The following WDR91 variants were observed in gnomAD, a reference collection of about 807,000 sequenced individuals.
The protein encoded by WDR91 is WD repeat domain 91.
A neutral mutation model predicts 88.4 loss-of-function variants in WDR91; 52 were observed. That is an observed-to-expected ratio of 0.59 (90% CI 0.47 to 0.74). The LOEUF (loss-of-function observed/expected upper bound fraction) is 0.74. WDR91 is among the 30% of genes least tolerant of loss of function. WDR91 has a pLI of 0.00. For missense variants in WDR91, 824 were observed against 954.5 expected (o/e 0.86, Z 1.80); for synonymous variants, 362 against 389.5 (o/e 0.93, Z 0.83).
intron 9 of WDR91, among the ~76,000 whole-genome samples, chr7:135,194,679 C>T (rs1378643803): frequency 3.3e-5 from 5 of 152,168 alleles, no homozygotes; most frequent in Admixed American, 6.5e-5. Context: ...GTCCCCAGGG[C>T]GGACCACCAC....
chr7:135,204,245 AG>A, intron 6 of WDR91, 22 bp downstream of exon 6: 6 of 1,611,522 alleles, frequency 3.7e-6, no homozygotes, highest in Non-Finnish European at 5.1e-6. Flanking sequence ...GGCCAGAGTT[AG>A]AGAGGCAGGA....
At chr7:135,193,813 T>G (rs1278076914) in intron 9 of WDR91, 141 bp from the exon 10 acceptor site, 9 of 655,910 alleles carry the variant, frequency 1.4e-5, no homozygotes, top group Non-Finnish European at 2.4e-5. Context: ...AGGGGAAATC[T>G]GGCTACAATG....
In WDR91 at chr7:135,187,270, C is replaced by T. The variant is rs928793813; in HGVS notation, c.1882-101G>A. 88 of 1,198,626 alleles carry T rather than the reference C, an allele frequency of 7.3e-5. No individual in the cohort carries two copies. In the African/African-American group the frequency reaches 9.7e-4, roughly 13 times the overall value. The allele number at this position is 1,198,626 out of a possible 1,614,324, so 74.2% of individuals were successfully genotyped here. ...ACCCCACAGCAGAGGCTGGCGAGGGCGACCCGCCTCCCCCAGCCACAGTGC... is the reference window on the plus strand; with the variant it reads ...ACCCCACAGCAGAGGCTGGCGAGGGTGACCCGCCTCCCCCAGCCACAGTGC... On this transcript the variant is annotated intron_variant, in intron 13 of 14. Coordinates refer to ENST00000354475, the MANE Select transcript of WDR91 (RefSeq NM_014149.4).
In WDR91 at chr7:135,198,124, C is replaced by T. The variant is rs141898455; in HGVS notation, c.919G>A (p.Gly307Arg). 7.4e-6 allele frequency: 12 copies of T among 1,613,494 alleles called. No homozygotes were observed. Among genetic ancestry groups the T allele is most frequent in the Middle Eastern group, 1.6e-4 (1 of 6,070 alleles). The change falls in exon 7 of 15, where the codon GGA becomes AGA. Residue 307 changes from glycine (G) to arginine (R), a missense_variant. Physicochemically the swap from Gly to Arg is moderately radical, Grantham distance 125 (BLOSUM62 -2). Transcript: ENST00000354475. ...AGGAGGCTCTTCCCATCCTTGGCTC[C>T]GGACGTCGGGTCCTTTCCCTTGGTG... is the stretch of plus-strand genomic sequence containing the variant. ...QGTKGKDPTS[G>R]AKDGKSLLSG...
chr7:135,204,496 T>C (rs868238284), intron 5 of WDR91, 63 bp from the exon 6 acceptor site: 28 of 1,570,938 alleles, frequency 1.8e-5, no homozygotes, highest in South Asian at 1.7e-4. Context: ...ACCAAGAACA[T>C]AGACCTCCCG....
At chr7:135,211,053 AC>A (rs928554656) in intron 1 of WDR91, among the ~76,000 whole-genome samples, 1 of 152,204 alleles carries the variant, frequency 6.6e-6, no homozygotes, top group Non-Finnish European at 1.5e-5. Context: ...CCAAAACGCA[AC>A]CATCTACCTA....
intron 3 of WDR91, 105 bp from the exon 4 acceptor site, chr7:135,207,307 G>C: frequency 1.1e-6 from 1 of 947,884 alleles, no homozygotes; most frequent in Non-Finnish European, 1.7e-6. Flanking sequence ...ACAGAGAACA[G>C]AGTATAGGAG....
At position 135,185,248 on chromosome 7, in the gene WDR91, CA is replaced by C; in HGVS notation, c.*902del. 1 of 152,196 alleles carries C rather than the reference CA, an allele frequency of 6.6e-6. No homozygotes were observed. The highest frequency in any genetic ancestry group is 1.5e-5 in the Non-Finnish European group (1 of 68,020). 9.4% of individuals were successfully genotyped at this position (152,196 alleles called of 1,614,324 possible). A position where few individuals can be genotyped will look rare whatever the true frequency, so the allele number is the denominator to read the frequency against. ...CACAATCAATACTTTGTTTCATGTACAAAATTATTTAAAATACTGTATAGAG... is the reference window on the plus strand; with the variant it reads ...CACAATCAATACTTTGTTTCATGTACAAATTATTTAAAATACTGTATAGAG... On this transcript the variant is annotated 3_prime_UTR_variant, in exon 15 of 15. Coordinates refer to ENST00000354475, the MANE Select transcript of WDR91 (RefSeq NM_014149.4).
Position 135,188,285 on chromosome 7 carries a change from C to T in WDR91, c.1881+148G>A, listed in dbSNP as rs749600184. ...CTAAAACCTCGCAAAGATTGTAAGA[C>T]GAATTACTAGTTTATCCCTATTCTA... On this transcript the variant is annotated intron_variant, in intron 13 of 14. Transcript: ENST00000354475. 37 of 615,060 alleles carry T rather than the reference C, an allele frequency of 6.0e-5. No individual in the cohort carries two copies. In the Admixed American group the frequency reaches 7.1e-4, roughly 12 times the overall value. The allele number at this position is 615,060 out of a possible 1,614,324, so 38.1% of individuals were successfully genotyped here. A position where few individuals can be genotyped will look rare whatever the true frequency, so the allele number is the denominator to read the frequency against.
At chr7:135,201,099 A>C (rs1050866853) in intron 6 of WDR91, among the ~76,000 whole-genome samples, 1 of 152,240 alleles carries the variant, frequency 6.6e-6, no homozygotes, top group African/African-American at 2.4e-5. Flanking sequence ...TCACAAGCAC[A>C]GAAGTTTGTG....
chr7:135,197,206 C>T (rs1831406798), intron 7 of WDR91: 2 of 152,228 alleles, frequency 1.3e-5, no homozygotes, highest in Admixed American at 1.3e-4. Context: ...GGGTGGCCCC[C>T]AAGTGCATCT....
chr7:135,211,389 C>T lies in WDR91; in HGVS notation c.114G>A (p.Lys38=). 6.2e-7 allele frequency: 1 copy of T among 1,610,636 alleles called. No homozygotes were observed. The highest frequency in any genetic ancestry group is 1.3e-5 in the African/African-American group (1 of 74,632). ...LDAEIKADKE[K]GFRVDKIVDQ... is the part of the protein sequence containing the mutation. ...CCCGCCGGCCTCTCACCCGGAACCC[C>T]TTCTCCTTGTCCGCCTTGATCTCGG... Residue 38 remains lysine, a synonymous_variant, in exon 1 of 15, where the codon AAG becomes AAA. Transcript: ENST00000354475.
chr7:135,192,320 A>G (rs1354711683), intron 11 of WDR91, among the ~76,000 whole-genome samples: 1 of 152,038 alleles, frequency 6.6e-6, no homozygotes, highest in Non-Finnish European at 1.5e-5. Flanking sequence ...GGCTCACTAC[A>G]TTGCCCAGGC....
At chr7:135,208,287 T>C (rs540558615) in intron 3 of WDR91, among the ~76,000 whole-genome samples, 1 of 152,340 alleles carries the variant, frequency 6.6e-6, no homozygotes, top group South Asian at 2.1e-4. Flanking sequence ...CCCGCATATA[T>C]ATTCTTAAAG....
intron 6 of WDR91, chr7:135,200,214 AGC>A (rs1474671100): frequency 1.3e-5 from 2 of 152,266 alleles, no homozygotes; most frequent in Non-Finnish European, 2.9e-5. Context: ...ATTTGTGTCT[AGC>A]CACAAATGTA....
At chr7:135,186,898 C>T in intron 14 of WDR91, 74 bp downstream of exon 14, 1 of 1,576,166 alleles carries the variant, frequency 6.3e-7, no homozygotes, top group South Asian at 1.1e-5. Context: ...GCTCAGTAGC[C>T]ATGGCCCAGA....
chr7:135,188,686 G>A, intron 12 of WDR91, 141 bp from the exon 13 acceptor site: 1 of 681,560 alleles, frequency 1.5e-6, no homozygotes, highest in Non-Finnish European at 2.5e-6. Flanking sequence ...GACCCAATGA[G>A]CGCCATAAAG....
intron 5 of WDR91, among the ~76,000 whole-genome samples, chr7:135,205,203 C>T (rs192045160): frequency 2.0e-5 from 3 of 152,196 alleles, no homozygotes; most frequent in African/African-American, 4.8e-5. Context: ...CTCTTTAAAC[C>T]GTCAGAGAGG....
intron 6 of WDR91, among the ~76,000 whole-genome samples, chr7:135,203,839 G>T (rs1300966929): frequency 2.0e-5 from 3 of 152,202 alleles, no homozygotes; most frequent in Non-Finnish European, 4.4e-5. Flanking sequence ...CAGAGAACTG[G>T]CACAGGAGTG....
Sources: gnomAD v4.1 joint callset for allele counts (sites outside exome capture counted in the v4.1 genomes callset) on GRCh38, gnomAD v4.1.1 for gene constraint, MANE v1.5 for transcripts, NCBI Gene and HGNC (gene_info 2026-07-23, HGNC 2026-07-21) for gene names.